The following FBXW7 variants were observed in gnomAD, a reference collection of about 807,000 sequenced individuals.
FBXW7 encodes the protein F-box and WD repeat domain containing 7.
FBXW7 carries 11 observed loss-of-function variants against 86.3 expected under a neutral mutation model. The observed-to-expected ratio is 0.13, with a 90% confidence interval of 0.08 to 0.21. FBXW7 has a LOEUF of 0.21. FBXW7 is among the 10% of genes least tolerant of loss of function. The probability of loss-of-function intolerance (pLI) is 1.00; values close to 1 mark genes in which losing one functional copy is unlikely to be tolerated. For synonymous variants in FBXW7, 313 were observed against 297.9 expected, an observed-to-expected ratio of 1.05 and a Z score of -0.52; for missense variants, 488 against 847.4, an observed-to-expected ratio of 0.58 and a Z score of 5.27.
At chr4:152,402,746 G>A (rs1484169608) in intron 4 of FBXW7, among the ~76,000 whole-genome samples, 2 of 152,118 alleles carry the variant, frequency 1.3e-5, no homozygotes, top group African/African-American at 4.8e-5. Context: ...CACATTCTGG[G>A]AACACATTGA....
At chr4:152,341,562 A>G (rs1217830155) in intron 6 of FBXW7, among the ~76,000 whole-genome samples, 1 of 152,244 alleles carries the variant, frequency 6.6e-6, no homozygotes, top group Non-Finnish European at 1.5e-5. Flanking sequence ...AAGGTGCTTA[A>G]TAAATGTTTA....
chr4:152,502,194 G>C (rs1316449563), intron 2 of FBXW7, among the ~76,000 whole-genome samples: 3 of 152,168 alleles, frequency 2.0e-5, no homozygotes, highest in Non-Finnish European at 4.4e-5. Flanking sequence ...TGTTACCAGG[G>C]AATTGAGTTT....
intron 4 of FBXW7, among the ~76,000 whole-genome samples, chr4:152,361,965 C>CAACA (rs1732994158): frequency 2.7e-5 from 1 of 37,118 alleles, no homozygotes; most frequent in African/African-American, 1.0e-4. Context: ...GACTCCATCT[C>CAACA]AAAAAAAAAA....
chr4:152,447,170 G>A (rs1741477625), intron 2 of FBXW7, among the ~76,000 whole-genome samples: 1 of 152,184 alleles, frequency 6.6e-6, no homozygotes, highest in Admixed American at 6.5e-5. Context: ...TTAACATGGT[G>A]ATTTGAATAC....
chr4:152,437,056 T>TTA lies in FBXW7; in HGVS notation c.-119-24529_-119-24528dup, dbSNP rs531269669. ...TTGTTTTAGAAATACATTAGCTGTT[T>TTA]TATATATATACATAGTGAATCCTCT... On this transcript the variant is annotated intron_variant, in intron 2 of 13. Coordinates refer to ENST00000281708, the MANE Select transcript of FBXW7 (RefSeq NM_001349798.2). 1.4e-3 allele frequency among the ~76,000 whole-genome samples: 211 copies of TTA among 152,314 alleles called. 1 individual carries two copies. The highest frequency in any genetic ancestry group is 2.4e-3 in the Non-Finnish European group (160 of 68,028).
In FBXW7 at chr4:152,329,802, C is replaced by A. The variant is rs2126526978; in HGVS notation, c.1123-17G>T. ...TTTCAGCACCTATAAGAAAGATGTG[C>A]AGATTAGAAATATGTTAATTAAATT... On this transcript the variant is annotated splice_polypyrimidine_tract_variant and intron_variant, in intron 9 of 13. Coordinates refer to ENST00000281708, the MANE Select transcript of FBXW7 (RefSeq NM_001349798.2). 3 of 1,401,224 alleles carry A rather than the reference C, an allele frequency of 2.1e-6. No individual in the cohort carries two copies. The highest frequency in any genetic ancestry group is 1.9e-6 in the Non-Finnish European group (2 of 1,037,770). 86.8% of individuals were successfully genotyped at this position (1,401,224 alleles called of 1,614,324 possible). A position where few individuals can be genotyped will look rare whatever the true frequency, so the allele number is the denominator to read the frequency against.
intron 2 of FBXW7, among the ~76,000 whole-genome samples, chr4:152,496,945 G>A (rs1450834496): frequency 6.6e-6 from 1 of 152,102 alleles, no homozygotes; most frequent in East Asian, 1.9e-4. Context: ...AGACATGAAA[G>A]CAGACCAAAG....
chr4:152,341,442 A>ACTCATCCAC (rs1478825424), intron 6 of FBXW7, among the ~76,000 whole-genome samples: 4 of 152,068 alleles, frequency 2.6e-5, no homozygotes, highest in African/African-American at 9.7e-5. Context: ...CCAGTTCCAA[A>ACTCATCCAC]CTCATCCACC....
At chr4:152,397,136 T>A (rs1560847065) in intron 4 of FBXW7, among the ~76,000 whole-genome samples, 1 of 152,056 alleles carries the variant, frequency 6.6e-6, no homozygotes, top group Non-Finnish European at 1.5e-5. Context: ...GTGTGTTTCC[T>A]CTAAGTTCAT....
chr4:152,342,801 A>C (rs1730876213), intron 6 of FBXW7, among the ~76,000 whole-genome samples: 1 of 152,226 alleles, frequency 6.6e-6, no homozygotes, highest in African/African-American at 2.4e-5. Context: ...AGAAACCAAG[A>C]ATGAATCTTT....
At chr4:152,457,771 A>G (rs983429870) in intron 2 of FBXW7, among the ~76,000 whole-genome samples, 8 of 152,016 alleles carry the variant, frequency 5.3e-5, no homozygotes, top group African/African-American at 1.9e-4. Flanking sequence ...CCTAACAAAC[A>G]GTCTGGAGAC....
intron 2 of FBXW7, among the ~76,000 whole-genome samples, chr4:152,527,116 A>G (rs1447166900): frequency 2.0e-5 from 3 of 152,338 alleles, no homozygotes; most frequent in East Asian, 3.9e-4. Context: ...TGCATGCTTT[A>G]TATTATCTCA....
intron 2 of FBXW7, among the ~76,000 whole-genome samples, chr4:152,503,906 C>T (rs929692347): frequency 1.3e-5 from 2 of 151,996 alleles, no homozygotes; most frequent in African/African-American, 4.8e-5. Flanking sequence ...TCAGTATGTA[C>T]ATGCCAAAAA....
chr4:152,400,164 AACAAAGGCAGT>A (rs1736792283), intron 4 of FBXW7, among the ~76,000 whole-genome samples: 3 of 152,230 alleles, frequency 2.0e-5, no homozygotes, highest in African/African-American at 7.2e-5. Context: ...TTGACAATGG[AACAAAGGCAGT>A]ACAATGTAGA....
intron 4 of FBXW7, among the ~76,000 whole-genome samples, chr4:152,408,814 A>C (rs1174920680): frequency 6.6e-6 from 1 of 152,200 alleles, no homozygotes; most frequent in Non-Finnish European, 1.5e-5. Flanking sequence ...CACGTAGTGT[A>C]ATCTGGGGTG....
At chr4:152,517,683 C>T (rs571358719) in intron 2 of FBXW7, among the ~76,000 whole-genome samples, 4 of 152,290 alleles carry the variant, frequency 2.6e-5, no homozygotes, top group East Asian at 3.9e-4. Context: ...ATAGAGCTAT[C>T]GTGAGGACTG....
At chr4:152,325,080 T>C (rs1173713735) in intron 12 of FBXW7, 1 of 152,018 alleles carries the variant, frequency 6.6e-6, no homozygotes, top group African/African-American at 2.4e-5. Context: ...CTACCTCTTT[T>C]CTCAATCAAA....
chr4:152,417,927 G>T (rs76885597), intron 2 of FBXW7, among the ~76,000 whole-genome samples: 2,081 of 152,184 alleles, frequency 0.014, 25 homozygotes, highest in Middle Eastern at 0.037. Flanking sequence ...TAGTAGGGTG[G>T]GGTGGGAGAT....
chr4:152,448,912 C>T (rs1190629244), intron 2 of FBXW7, among the ~76,000 whole-genome samples: 1 of 152,104 alleles, frequency 6.6e-6, no homozygotes, highest in Non-Finnish European at 1.5e-5. Context: ...TTATACTAAC[C>T]ACTTTCTGTC....
Sources: gnomAD v4.1 joint callset for allele counts (sites outside exome capture counted in the v4.1 genomes callset) on GRCh38, gnomAD v4.1.1 for gene constraint, MANE v1.5 for transcripts, NCBI Gene and HGNC (gene_info 2026-07-23, HGNC 2026-07-21) for gene names.